Variants in HPF1 observed in about 807,000 individuals in gnomAD.
The protein encoded by HPF1 is histone PARylation factor 1.
In HPF1, 35 loss-of-function variants were observed where a neutral mutation model predicts 38.8. That is an observed-to-expected ratio of 0.90 (90% confidence interval 0.69 to 1.19). The LOEUF (loss-of-function observed/expected upper bound fraction) is 1.19. Among genes scored for constraint, HPF1 ranks in the 50% most tolerant of loss-of-function variants. HPF1 has a pLI of 0.00. For missense variants in HPF1, 367 were observed against 405.8 expected, an observed-to-expected ratio of 0.90 and a Z score of 0.82; for synonymous variants, 115 against 139.2, an observed-to-expected ratio of 0.83 and a Z score of 1.22.
In HPF1 at chr4:169,737,666, T is replaced by C; in HGVS notation, c.730A>G (p.Thr244Ala). The C allele has an allele frequency of 6.3e-7, 1 of 1,588,544 alleles. No individual in the cohort carries two copies. Among genetic ancestry groups the C allele is most frequent in the Non-Finnish European group, 8.6e-7 (1 of 1,156,792 alleles). The change falls in exon 6 of 8, where the codon ACA (threonine) becomes GCA (alanine). Residue 244 changes from threonine (T) to alanine (A), a missense_variant. Thr to Ala is a moderately conservative substitution (Grantham distance 58). Coordinates refer to ENST00000393381, the MANE Select transcript of HPF1 (RefSeq NM_017867.3). ...NDVGYRELPE[T>A]DADLKRICKT... ...TTACTATGAAATACATTACCATCTG[T>C]TTCAGGGAGCTCTCGGTACCCAACA...
intron 5 of HPF1, among the ~76,000 whole-genome samples, chr4:169,738,136 T>C (rs112873347): frequency 9.2e-5 from 14 of 152,164 alleles, no homozygotes; most frequent in East Asian, 7.7e-4. Context: ...GAGTAAGAAA[T>C]AGTTCTTGTC....
chr4:169,733,075 G>A (rs909282747), intron 6 of HPF1, among the ~76,000 whole-genome samples: 2 of 152,108 alleles, frequency 1.3e-5, no homozygotes, highest in Non-Finnish European at 2.9e-5. Flanking sequence ...GTGACTTGTG[G>A]TGAACTAAAC....
intron 4 of HPF1, among the ~76,000 whole-genome samples, chr4:169,743,706 G>A (rs1352801659): frequency 2.0e-5 from 3 of 151,988 alleles, no homozygotes; most frequent in East Asian, 3.8e-4. Context: ...AATGAAGAGC[G>A]GCAAGAGTGT....
chr4:169,732,887 G>A (rs1581312086), intron 6 of HPF1, among the ~76,000 whole-genome samples: 1 of 152,172 alleles, frequency 6.6e-6, no homozygotes, highest in Non-Finnish European at 1.5e-5. Context: ...ATATACAGGA[G>A]GATGTGCGTA....
chr4:169,752,664 T>C (rs1734134897), intron 2 of HPF1, among the ~76,000 whole-genome samples: 1 of 152,234 alleles, frequency 6.6e-6, no homozygotes, highest in African/African-American at 2.4e-5. Flanking sequence ...TAGTTTATTA[T>C]TTCCTAAAAA....
chr4:169,755,529 T>C (rs1353817173), intron 1 of HPF1, among the ~76,000 whole-genome samples: 1 of 152,184 alleles, frequency 6.6e-6, no homozygotes, highest in South Asian at 2.1e-4. Context: ...GCTAATGAGA[T>C]GGTTTGTTTT....
intron 6 of HPF1, 93 bp downstream of exon 6, chr4:169,737,567 A>T: frequency 5.0e-6 from 4 of 805,872 alleles, no homozygotes; most frequent in Non-Finnish European, 8.9e-6. Flanking sequence ...TGTGTCAGAA[A>T]AGGTATATAG....
intron 1 of HPF1, among the ~76,000 whole-genome samples, chr4:169,756,094 T>C (rs1257079700): frequency 6.6e-6 from 1 of 152,166 alleles, no homozygotes; most frequent in African/African-American, 2.4e-5. Flanking sequence ...AAAGATAATA[T>C]AATAGTAAAA....
At chr4:169,741,344 G>T (rs1434322282) in intron 5 of HPF1, among the ~76,000 whole-genome samples, 15 of 150,982 alleles carry the variant, frequency 9.9e-5, no homozygotes, top group African/African-American at 2.4e-4. Flanking sequence ...TTTTTTTTTT[G>T]TTTTTGTTTT....
chr4:169,730,706 T>C (rs1733818479), intron 7 of HPF1, among the ~76,000 whole-genome samples: 2 of 152,194 alleles, frequency 1.3e-5, no homozygotes, highest in Admixed American at 6.5e-5. Flanking sequence ...AGCTACTGGT[T>C]TGGTCTTGCT....
intron 4 of HPF1, among the ~76,000 whole-genome samples, chr4:169,743,685 G>A (rs773887977): frequency 2.6e-5 from 4 of 151,974 alleles, no homozygotes; most frequent in Non-Finnish European, 5.9e-5. Flanking sequence ...AATATAAAAG[G>A]TCAGGAGTAA....
Position 169,757,822 on chromosome 4 carries a change from G to A in HPF1, c.48+8C>T, listed in dbSNP as rs371591457. ...CCCGCGTAGCCCGCACAGCCTTTCC[G>A]GCAGTACCTGCGGCCCCTCTCCGCC... On this transcript the variant is annotated splice_region_variant and intron_variant, in intron 1 of 7. Transcript: ENST00000393381. The A allele has an allele frequency of 3.6e-4, 555 of 1,561,980 alleles. 1 individual carries two copies. The highest frequency in any genetic ancestry group is 2.1e-4 in the South Asian group (18 of 85,926).
At chr4:169,731,610 G>T in intron 7 of HPF1, 94 bp downstream of exon 7, 2 of 921,220 alleles carry the variant, frequency 2.2e-6, no homozygotes, top group Admixed American at 2.8e-5. Context: ...GAATTTGGGG[G>T]TATAAATGTG....
intron 4 of HPF1, among the ~76,000 whole-genome samples, chr4:169,743,952 C>T (rs1411030353): frequency 2.6e-5 from 4 of 152,010 alleles, no homozygotes; most frequent in Non-Finnish European, 4.4e-5. Flanking sequence ...CGTAGAGTTA[C>T]CAGTAGAACT....
chr4:169,729,954 C>T (rs142122996), intron 7 of HPF1, among the ~76,000 whole-genome samples: 43 of 152,260 alleles, frequency 2.8e-4, no homozygotes, highest in African/African-American at 9.9e-4. Flanking sequence ...ATCGAGCTTC[C>T]TTATTCCCTT....
rs1483927145 is a variant in HPF1 at position 169,742,479 on chromosome 4, C to A, written c.498-372G>T. Among the ~76,000 whole-genome samples, 11 of 151,734 alleles carry A rather than the reference C, an allele frequency of 7.2e-5. No individual in the cohort carries two copies. The East Asian group carries it at 1.9e-3, about 27-fold the overall frequency. On this transcript the variant is annotated intron_variant, in intron 4 of 7. Coordinates refer to ENST00000393381, the MANE Select transcript of HPF1 (RefSeq NM_017867.3). Reference sequence around the variant, plus strand: ...ACCTAACAGAAAAAAAAGTAGACATCAAAAAAAAGTAGACATCAAAAAAAT... The same window carrying A: ...ACCTAACAGAAAAAAAAGTAGACATAAAAAAAAAGTAGACATCAAAAAAAT...
intron 1 of HPF1, among the ~76,000 whole-genome samples, chr4:169,756,202 C>T (rs373257954): frequency 6.6e-6 from 1 of 152,222 alleles, no homozygotes; most frequent in East Asian, 1.9e-4. Flanking sequence ...TCAACTGTCT[C>T]ATGCACTAGA....
Position 169,757,914 on chromosome 4 carries a change from C to T in HPF1, c.-37G>A, listed in dbSNP as rs770790876. On this transcript the variant is annotated 5_prime_UTR_variant, in exon 1 of 8. Coordinates refer to ENST00000393381, the MANE Select transcript of HPF1 (RefSeq NM_017867.3). Reference sequence around the variant, plus strand: ...AGCGCCAGCAGAATTCCCCGATCCGCGGCCGCTTCCGAGCGCCGCCAACCG... The same window carrying T: ...AGCGCCAGCAGAATTCCCCGATCCGTGGCCGCTTCCGAGCGCCGCCAACCG... The T allele has an allele frequency of 6.5e-6, 10 of 1,534,152 alleles. No homozygotes were observed. Among genetic ancestry groups the T allele is most frequent in the African/African-American group, 1.4e-5 (1 of 72,906 alleles).
At chr4:169,736,376 AG>A (rs1553977354) in intron 6 of HPF1, among the ~76,000 whole-genome samples, 6,671 of 130,860 alleles carry the variant, frequency 0.051, 706 homozygotes, top group African/African-American at 0.22. Flanking sequence ...AAAAAAAAAA[AG>A]AAGTAAAAAA....
Sources: gnomAD v4.1 joint callset for allele counts (sites outside exome capture counted in the v4.1 genomes callset) on GRCh38, gnomAD v4.1.1 for gene constraint, MANE v1.5 for transcripts, NCBI Gene and HGNC (gene_info 2026-07-23, HGNC 2026-07-21) for gene names.